CPQ: variants seen among roughly 807,000 people sequenced by gnomAD.
CPQ encodes the protein carboxypeptidase Q, also known as Ser-Met dipeptidase.
CPQ carries 37 observed loss-of-function variants against 45.7 expected under a neutral mutation model. The observed-to-expected ratio is 0.81, with a 90% CI of 0.62 to 1.07. The LOEUF is 1.07. Among genes scored for constraint, CPQ ranks in the 50% least tolerant of loss-of-function variants. CPQ has a pLI of 0.00. For missense variants in CPQ, 537 were observed against 572.9 expected (o/e 0.94, Z 0.64); for synonymous variants, 186 against 205.8 (o/e 0.90, Z 0.82).
intron 2 of CPQ, among the ~76,000 whole-genome samples, chr8:96,807,804 A>G (rs565046278): frequency 6.6e-6 from 1 of 152,214 alleles, no homozygotes; most frequent in Non-Finnish European, 1.5e-5. Context: ...TTACATAGTA[A>G]GTTGTCAAGA....
chr8:97,007,805 G>A (rs948285916), intron 5 of CPQ, among the ~76,000 whole-genome samples: 6 of 152,136 alleles, frequency 3.9e-5, no homozygotes, highest in African/African-American at 1.4e-4. Flanking sequence ...TTTCTTATTT[G>A]GGAACTTCAG....
intron 4 of CPQ, among the ~76,000 whole-genome samples, chr8:96,945,258 G>A (rs1813174757): frequency 6.6e-6 from 1 of 152,176 alleles, no homozygotes; most frequent in Non-Finnish European, 1.5e-5. Flanking sequence ...AAAAGTGGGT[G>A]TGGGGAGATC....
At chr8:97,072,902 A>G (rs1424472578) in intron 7 of CPQ, among the ~76,000 whole-genome samples, 1 of 152,174 alleles carries the variant, frequency 6.6e-6, no homozygotes, top group African/African-American at 2.4e-5. Flanking sequence ...CTCAGTGCCT[A>G]CAAGTGCCTG....
intron 1 of CPQ, among the ~76,000 whole-genome samples, chr8:96,649,661 C>G (rs1325915064): frequency 6.6e-6 from 1 of 152,174 alleles, no homozygotes; most frequent in Non-Finnish European, 1.5e-5. Flanking sequence ...TGTGGAACAT[C>G]TGGGTGGAGA....
At chr8:96,784,386 T>C (rs1260125373) in intron 1 of CPQ, among the ~76,000 whole-genome samples, 1 of 148,004 alleles carries the variant, frequency 6.8e-6, no homozygotes, top group Non-Finnish European at 1.5e-5. Flanking sequence ...AAGAAGCAAT[T>C]ATTGTTCTGA....
chr8:96,751,599 C>T lies in CPQ; in HGVS notation c.-34-33265C>T, dbSNP rs193179544. On this transcript the variant is annotated intron_variant, in intron 1 of 7. Transcript: ENST00000220763. Reference sequence around the variant, plus strand: ...CCATTCTGTAGGTTGTCTGTTCACTCTGATGATAGTTTCTTTTGCTGTGCA... The same window carrying T: ...CCATTCTGTAGGTTGTCTGTTCACTTTGATGATAGTTTCTTTTGCTGTGCA... 3.1e-3 allele frequency among the ~76,000 whole-genome samples: 478 copies of T among 152,300 alleles called. 5 individuals carry two copies. The highest frequency in any genetic ancestry group is 0.011 in the African/African-American group (461 of 41,564).
chr8:96,712,350 G>A (rs1422154407), intron 1 of CPQ, among the ~76,000 whole-genome samples: 1 of 152,158 alleles, frequency 6.6e-6, no homozygotes, highest in African/African-American at 2.4e-5. Context: ...AGCTCCACTA[G>A]GCAGTGCTCC....
intron 1 of CPQ, among the ~76,000 whole-genome samples, chr8:96,686,187 C>T (rs559634106): frequency 1.3e-5 from 2 of 151,804 alleles, no homozygotes; most frequent in Admixed American, 6.6e-5. Flanking sequence ...AAAATTTTAC[C>T]TGCATTTTAC....
At chr8:97,008,071 G>A (rs923590859) in intron 5 of CPQ, among the ~76,000 whole-genome samples, 9 of 152,030 alleles carry the variant, frequency 5.9e-5, no homozygotes, top group African/African-American at 2.2e-4. Flanking sequence ...GTGGCTTCCT[G>A]AACTATCGCC....
chr8:96,719,147 T>C (rs560139996), intron 1 of CPQ, among the ~76,000 whole-genome samples: 21 of 152,300 alleles, frequency 1.4e-4, no homozygotes, highest in Admixed American at 3.9e-4. Context: ...GTGGCACTCA[T>C]TGGGGAGGCT....
At position 96,930,742 on chromosome 8, in the gene CPQ, T is replaced by C. The variant is rs533966547; in HGVS notation, c.850-35193T>C. On this transcript the variant is annotated intron_variant, in intron 4 of 7. Transcript: ENST00000220763. ...TGAATGCCTGGGAAAAGGATAGGAA[T>C]GGAGATGTATCTGGTTGGACTCCAA... Among the ~76,000 whole-genome samples, 209 of 152,264 alleles carry C rather than the reference T, an allele frequency of 1.4e-3. 2 individuals carry two copies. The highest frequency in any genetic ancestry group is 0.01 in the Admixed American group (154 of 15,288).
intron 4 of CPQ, among the ~76,000 whole-genome samples, chr8:96,914,951 G>A (rs190726044): frequency 6.6e-6 from 1 of 152,262 alleles, no homozygotes; most frequent in African/African-American, 2.4e-5. Context: ...ACTGCAGCTG[G>A]CTTTTTGGCA....
intron 4 of CPQ, among the ~76,000 whole-genome samples, chr8:96,935,750 C>G (rs1206234738): frequency 6.6e-6 from 1 of 152,068 alleles, no homozygotes; most frequent in Non-Finnish European, 1.5e-5. Flanking sequence ...GTTTTTTAGG[C>G]TCCCTCAAAT....
intron 1 of CPQ, among the ~76,000 whole-genome samples, chr8:96,671,352 TGA>T (rs1809001797): frequency 1.3e-5 from 2 of 152,350 alleles, no homozygotes; most frequent in African/African-American, 2.4e-5. Flanking sequence ...CAAGTATGTC[TGA>T]GAGAGTAAAC....
chr8:97,106,473 A>G (rs1484993351), intron 7 of CPQ, among the ~76,000 whole-genome samples: 1 of 152,254 alleles, frequency 6.6e-6, no homozygotes, highest in Non-Finnish European at 1.5e-5. Context: ...CAGTGAGGAA[A>G]CAGTGCTCCC....
chr8:96,868,247 G>C (rs1429991696), intron 3 of CPQ, among the ~76,000 whole-genome samples: 1 of 151,926 alleles, frequency 6.6e-6, no homozygotes, highest in Non-Finnish European at 1.5e-5. Flanking sequence ...AAATCTTAGG[G>C]GCTGTTTGTT....
At chr8:96,710,541 G>A (rs1809593071) in intron 1 of CPQ, among the ~76,000 whole-genome samples, 1 of 152,052 alleles carries the variant, frequency 6.6e-6, no homozygotes, top group Non-Finnish European at 1.5e-5. Flanking sequence ...TTGAAACCTT[G>A]TGTCACTATT....
At chr8:96,861,730 G>A (rs1198889467) in intron 3 of CPQ, among the ~76,000 whole-genome samples, 1 of 152,044 alleles carries the variant, frequency 6.6e-6, no homozygotes, top group African/African-American at 2.4e-5. Context: ...TACCCACAGG[G>A]ATCATACAAA....
chr8:96,687,451 T>A (rs1476575792), intron 1 of CPQ, among the ~76,000 whole-genome samples: 1 of 152,106 alleles, frequency 6.6e-6, no homozygotes, highest in Non-Finnish European at 1.5e-5. Context: ...CCTCATGATC[T>A]GCCTGCCTCG....
Sources: gnomAD v4.1 joint callset for allele counts (sites outside exome capture counted in the v4.1 genomes callset) on GRCh38, gnomAD v4.1.1 for gene constraint, MANE v1.5 for transcripts, NCBI Gene and HGNC (gene_info 2026-07-23, HGNC 2026-07-21) for gene names.